The following FHIT variants were observed in gnomAD, a reference collection of about 807,000 sequenced individuals.
FHIT encodes the protein fragile histidine triad diadenosine triphosphatase.
In FHIT, 19 loss-of-function variants were observed where a neutral mutation model predicts 17.9. The ratio of observed to expected loss-of-function variants is 1.06; its 90% CI spans 0.74 to 1.56. The LOEUF (loss-of-function observed/expected upper bound fraction) is 1.56, where lower values mean the gene tolerates loss of function less well. FHIT is among the 40% of genes most tolerant of loss of function. The pLI is 0.00. For missense variants in FHIT, 248 were observed against 189.2 expected (o/e 1.31, Z -1.82); for synonymous variants, 81 against 69.7 (o/e 1.16, Z -0.81).
At chr3:60,217,943 TAA>T (rs1258905225) in intron 5 of FHIT, among the ~76,000 whole-genome samples, 1 of 152,210 alleles carries the variant, frequency 6.6e-6, no homozygotes, top group Non-Finnish European at 1.5e-5. Context: ...ATTAACATAT[TAA>T]GTCAGACATT....
At chr3:60,849,285 C>A (rs1703046594) in intron 3 of FHIT, among the ~76,000 whole-genome samples, 2 of 151,674 alleles carry the variant, frequency 1.3e-5, no homozygotes, top group Admixed American at 1.3e-4. Flanking sequence ...TGGCTTTTGG[C>A]CCTTCCGTGT....
At chr3:60,247,424 T>TGATGAA (rs142415382) in intron 5 of FHIT, among the ~76,000 whole-genome samples, 21,527 of 151,210 alleles carry the variant, frequency 0.14, 2,066 homozygotes, top group Non-Finnish European at 0.21. Context: ...AGGAAGAAGA[T>TGATGAA]GATGAAGATG....
At chr3:60,413,778 A>G (rs1243798903) in intron 5 of FHIT, among the ~76,000 whole-genome samples, 2 of 152,204 alleles carry the variant, frequency 1.3e-5, no homozygotes, top group African/African-American at 4.8e-5. Flanking sequence ...CAAACACACA[A>G]AAAATGCAGA....
chr3:60,274,223 C>G (rs1203078336), intron 5 of FHIT, among the ~76,000 whole-genome samples: 2 of 152,086 alleles, frequency 1.3e-5, no homozygotes, highest in Non-Finnish European at 2.9e-5. Context: ...CTAATACTAA[C>G]TTATGTGTCT....
intron 4 of FHIT, among the ~76,000 whole-genome samples, chr3:60,630,934 TAAAAAAA>T (rs1202134208): frequency 1.1e-5 from 1 of 93,392 alleles, no homozygotes; most frequent in African/African-American, 4.0e-5. Context: ...CCCAGGTCAT[TAAAAAAA>T]AAAAAAAAAA....
chr3:59,876,267 C>G (rs1024641019), intron 8 of FHIT, among the ~76,000 whole-genome samples: 8 of 151,994 alleles, frequency 5.3e-5, no homozygotes, highest in African/African-American at 1.7e-4. Flanking sequence ...GAATAGGGAG[C>G]TATGATCTTA....
intron 5 of FHIT, among the ~76,000 whole-genome samples, chr3:60,095,273 C>A (rs991347456): frequency 1.3e-5 from 2 of 152,320 alleles, no homozygotes; most frequent in East Asian, 3.9e-4. Flanking sequence ...CCATTTAACA[C>A]CCAAATGAAA....
chr3:60,449,712 G>T (rs2031590452), intron 5 of FHIT, among the ~76,000 whole-genome samples: 1 of 151,928 alleles, frequency 6.6e-6, no homozygotes, highest in African/African-American at 2.4e-5. Flanking sequence ...ATAAAAATAT[G>T]GCACAAAAGG....
intron 7 of FHIT, among the ~76,000 whole-genome samples, chr3:59,968,649 C>A (rs1708042062): frequency 1.3e-5 from 2 of 152,078 alleles, no homozygotes; most frequent in Admixed American, 6.6e-5. Context: ...GAAATGGCAT[C>A]TCAGCACTTT....
intron 2 of FHIT, among the ~76,000 whole-genome samples, chr3:61,093,334 AT>A (rs2035543079): frequency 6.6e-6 from 1 of 152,178 alleles, no homozygotes; most frequent in South Asian, 2.1e-4. Context: ...ACCAGAGGAC[AT>A]TTGGCAAGGT....
rs547758702 is a variant in FHIT, at chr3:60,945,640, C to T, written c.-111+96407G>A. ...AACTCCTGACATCAAGTGATCCACC[C>T]GCCTCAGCCTCCCTATTACAGGGTT... On this transcript the variant is annotated intron_variant, in intron 3 of 9. Coordinates refer to ENST00000492590, the MANE Select transcript of FHIT (RefSeq NM_002012.4). Among the ~76,000 whole-genome samples, 174 of 152,214 alleles carry T rather than the reference C, an allele frequency of 1.1e-3. 1 individual carries two copies. The highest frequency in any genetic ancestry group is 4.0e-3 in the African/African-American group (167 of 41,544).
At chr3:60,412,767 G>A (rs973603049) in intron 5 of FHIT, among the ~76,000 whole-genome samples, 3 of 152,192 alleles carry the variant, frequency 2.0e-5, no homozygotes, top group African/African-American at 7.2e-5. Flanking sequence ...CATGTGGAGG[G>A]AGAGACCTGT....
At chr3:60,225,362 G>C (rs910216985) in intron 5 of FHIT, among the ~76,000 whole-genome samples, 1 of 152,176 alleles carries the variant, frequency 6.6e-6, no homozygotes, top group Admixed American at 6.5e-5. Flanking sequence ...CAGAAAATTT[G>C]AGAGTTGTGA....
Position 59,946,684 on chromosome 3 carries a change from T to G in FHIT, c.280-24270A>C, listed in dbSNP as rs115574227. ...CATTATTATTTTGAGGTAAGTTCATTCTTCCAATGCCTAGTTTGTTGAGGA... is the reference window on the plus strand; with the variant it reads ...CATTATTATTTTGAGGTAAGTTCATGCTTCCAATGCCTAGTTTGTTGAGGA... On this transcript the variant is annotated intron_variant, in intron 7 of 9. Coordinates refer to ENST00000492590, the MANE Select transcript of FHIT (RefSeq NM_002012.4). Among the ~76,000 whole-genome samples, 159 of 152,264 alleles carry G rather than the reference T, an allele frequency of 1.0e-3. 1 individual carries two copies. Among genetic ancestry groups the G allele is most frequent in the African/African-American group, 3.7e-3 (152 of 41,566 alleles).
chr3:60,228,521 A>G (rs985938554), intron 5 of FHIT, among the ~76,000 whole-genome samples: 34 of 152,342 alleles, frequency 2.2e-4, no homozygotes, highest in African/African-American at 8.2e-4. Flanking sequence ...AATAAAACAC[A>G]CATCCATGGC....
intron 5 of FHIT, among the ~76,000 whole-genome samples, chr3:60,323,758 G>A (rs1008008445): frequency 7.2e-5 from 11 of 152,176 alleles, no homozygotes; most frequent in Non-Finnish European, 1.3e-4. Flanking sequence ...AGTATCACTT[G>A]CCACAGATAG....
intron 3 of FHIT, among the ~76,000 whole-genome samples, chr3:60,961,739 C>A (rs572560312): frequency 5.9e-5 from 9 of 152,038 alleles, no homozygotes; most frequent in African/African-American, 1.7e-4. Flanking sequence ...AGATTGTTGT[C>A]GATGTGTGGT....
chr3:60,808,171 G>A (rs1202285674), intron 4 of FHIT, among the ~76,000 whole-genome samples: 1 of 152,198 alleles, frequency 6.6e-6, no homozygotes, highest in Non-Finnish European at 1.5e-5. Flanking sequence ...CTCATCTGAT[G>A]CTCATTAATA....
chr3:60,162,478 G>T (rs1700983870), intron 5 of FHIT, among the ~76,000 whole-genome samples: 1 of 152,108 alleles, frequency 6.6e-6, no homozygotes, highest in Non-Finnish European at 1.5e-5. Flanking sequence ...TCCAGCCTCA[G>T]TTTCCCTAAA....
Sources: gnomAD v4.1 joint callset for allele counts (sites outside exome capture counted in the v4.1 genomes callset) on GRCh38, gnomAD v4.1.1 for gene constraint, MANE v1.5 for transcripts, NCBI Gene and HGNC (gene_info 2026-07-23, HGNC 2026-07-21) for gene names.